PPP1R1B: variants seen among roughly 807,000 people sequenced by gnomAD.
PPP1R1B encodes protein phosphatase 1 regulatory subunit 1B.
Under a neutral mutation model 28.2 loss-of-function variants are expected in PPP1R1B, and 13 were observed. The ratio of observed to expected loss-of-function variants is 0.46; its 90% CI spans 0.30 to 0.73. The LOEUF (loss-of-function observed/expected upper bound fraction) is 0.73, where lower values mean the gene tolerates loss of function less well. PPP1R1B is among the 30% of genes least tolerant of loss of function. The probability of loss-of-function intolerance (pLI) is 0.07; values close to 1 mark genes in which losing one functional copy is unlikely to be tolerated. For missense variants in PPP1R1B, 236 were observed against 256.7 expected (o/e 0.92, Z 0.55); for synonymous variants, 102 against 97.5 (o/e 1.05, Z -0.27).
intron 2 of PPP1R1B, 139 bp downstream of exon 2, chr17:39,629,369 G>T (rs72827172): frequency 0.021 from 26,925 of 1,253,056 alleles, 382 homozygotes; most frequent in Non-Finnish European, 0.025. Context: ...AACTCTATTG[G>T]CTTTATTTAT....
At chr17:39,627,729 G>T (rs1440531572) in intron 1 of PPP1R1B, among the ~76,000 whole-genome samples, 1 of 151,928 alleles carries the variant, frequency 6.6e-6, no homozygotes, top group African/African-American at 2.4e-5. Flanking sequence ...GCGGGGGTGG[G>T]GGGACAGGCC....
chr17:39,635,565 T>A, intron 5 of PPP1R1B, 42 bp from the exon 6 acceptor site: 1 of 1,595,468 alleles, frequency 6.3e-7, no homozygotes, highest in Non-Finnish European at 8.6e-7. Flanking sequence ...GCCGGATGGA[T>A]ACGCAGAGCC....
At position 39,635,677 on chromosome 17, in the gene PPP1R1B, CGA is replaced by C. The variant is rs1427592674; in HGVS notation, c.523_524del (p.Asp175TrpfsTer4). The C allele has an allele frequency of 6.2e-7, 1 of 1,613,984 alleles. No individual in the cohort carries two copies. The highest frequency in any genetic ancestry group is 8.5e-7 in the Non-Finnish European group (1 of 1,179,998). ...AGCGCCCACCCCCTCTGGATGAGTCCGAGAGAGATGGAGGCTCTGAGGACCAA... is the reference window on the plus strand; with the variant it reads ...AGCGCCCACCCCCTCTGGATGAGTCCGAGAGATGGAGGCTCTGAGGACCAA... ...WERPPPLDES[E>X]RDGGSEDQVE... On this transcript the variant is annotated frameshift_variant, in exon 6 of 7. Coordinates refer to ENST00000254079, the MANE Select transcript of PPP1R1B (RefSeq NM_032192.4). LOFTEE classifies it high-confidence loss of function.
rs1171470511 is a variant in PPP1R1B, at chr17:39,634,086, G to A, written c.445G>A (p.Ala149Thr). The change falls in exon 5 of 7, where the codon GCT becomes ACT. Residue 149 changes from alanine to threonine, a missense_variant and splice_region_variant. Ala to Thr is a moderately conservative substitution (Grantham distance 58). Transcript: ENST00000254079. ...AGTCCTGAAGGTCATCAGGCAGTCT[G>A]GTAAGCTGAGGGGCCTGTGACATGT... ...AEVLKVIRQS[A>T]GQKTTCGQGL... 1.2e-6 allele frequency: 2 copies of A among 1,613,518 alleles called. No homozygotes were observed.
chr17:39,627,153 C>T lies in PPP1R1B; in HGVS notation c.-240C>T. On this transcript the variant is annotated 5_prime_UTR_variant, in exon 1 of 7. Transcript: ENST00000254079. ...GAGGGAGCGAGGCACAGACCTGGCT[C>T]AGCGAGCGCGGGGGGCGAGCCCCGA... 1 of 475,672 alleles carries T rather than the reference C, an allele frequency of 2.1e-6. No homozygotes were observed. Among genetic ancestry groups the T allele is most frequent in the Non-Finnish European group, 3.7e-6 (1 of 271,302 alleles). 29.5% of individuals were successfully genotyped at this position (475,672 alleles called of 1,614,324 possible). A position where few individuals can be genotyped will look rare whatever the true frequency, so the allele number is the denominator to read the frequency against.
In PPP1R1B at chr17:39,636,056, C is replaced by G; in HGVS notation, c.*191C>G. The G allele has an allele frequency of 1.6e-6, 1 of 629,336 alleles. No homozygotes were observed. The highest frequency in any genetic ancestry group is 2.7e-6 in the Non-Finnish European group (1 of 368,842). 39.0% of individuals were successfully genotyped at this position (629,336 alleles called of 1,614,324 possible). On this transcript the variant is annotated 3_prime_UTR_variant, in exon 7 of 7. Coordinates refer to ENST00000254079, the MANE Select transcript of PPP1R1B (RefSeq NM_032192.4). ...TTGGCTGATACCCAGAGAACCTGGG[C>G]ACTTGCTGCCTGATGCCCACCCCTG...
intron 4 of PPP1R1B, chr17:39,630,328 G>A: frequency 4.5e-6 from 2 of 442,162 alleles, no homozygotes; most frequent in Non-Finnish European, 8.4e-6. Flanking sequence ...CATCCGCGTG[G>A]AAGGGACTCC....
chr17:39,632,644 C>CCG, intron 4 of PPP1R1B: 1 of 152,360 alleles, frequency 6.6e-6, no homozygotes, highest in African/African-American at 2.4e-5. Flanking sequence ...TGAAGCTCTG[C>CCG]CGCGTCCCCA....
chr17:39,631,072 G>GA (rs796937092), intron 4 of PPP1R1B, among the ~76,000 whole-genome samples: 128 of 138,882 alleles, frequency 9.2e-4, no homozygotes, highest in Middle Eastern at 7.4e-3. Context: ...TCTGTCTCAA[G>GA]AAAAAAAAAA....
In PPP1R1B at chr17:39,627,568, G is replaced by C. The variant is rs537471807; in HGVS notation, c.81+95G>C. 454 of 791,684 alleles carry C rather than the reference G, an allele frequency of 5.7e-4. 5 individuals are homozygous for C. In the South Asian group the frequency reaches 8.4e-3, roughly 15 times the overall value. The allele number at this position is 791,684 out of a possible 1,614,324, so 49.0% of individuals were successfully genotyped here. A position where few individuals can be genotyped will look rare whatever the true frequency, so the allele number is the denominator to read the frequency against. On this transcript the variant is annotated intron_variant, in intron 1 of 6. Transcript: ENST00000254079. ...GCGCTGCCCCGGCCGGACTGGCCTG[G>C]GGGTGGGGGCGCAAGGAGAGCCGGG...
rs144685420 is a variant in PPP1R1B, at chr17:39,634,019, G to A, written c.378G>A (p.Glu126=). 1.2e-6 allele frequency: 2 copies of A among 1,613,920 alleles called. No individual in the cohort carries two copies. The highest frequency in any genetic ancestry group is 4.5e-5 in the East Asian group (2 of 44,878). Residue 126 remains glutamate (E), a synonymous_variant, in exon 5 of 7, where the codon GAG becomes GAA. Transcript: ENST00000254079. ...GAGAGGAAGATGAGGAGGAAGAGGA[G>A]GATGATGAAGAAGAGGAAGAAGAAG... ...YPREEDEEEE[E]DDEEEEEEED...
chr17:39,635,597 C>G lies in PPP1R1B; in HGVS notation c.446-10C>G, dbSNP rs775998929. ...AGCCTGTGTTCTTATCTCTTCTTTC[C>G]CATCCCCAGCTGGGCAAAAGACAAC... On this transcript the variant is annotated splice_polypyrimidine_tract_variant and intron_variant, in intron 5 of 6. Transcript: ENST00000254079. 3.7e-6 allele frequency: 6 copies of G among 1,612,418 alleles called. No homozygotes were observed. Among genetic ancestry groups the G allele is most frequent in the Non-Finnish European group, 5.1e-6 (6 of 1,178,752 alleles).
At position 39,627,150 on chromosome 17, in the gene PPP1R1B, G is replaced by A; in HGVS notation, c.-243G>A. 2.1e-6 allele frequency: 1 copy of A among 473,040 alleles called. No individual in the cohort carries two copies. The highest frequency in any genetic ancestry group is 3.3e-5 in the South Asian group (1 of 30,246). 29.3% of individuals were successfully genotyped at this position (473,040 alleles called of 1,614,324 possible). On this transcript the variant is annotated 5_prime_UTR_variant, in exon 1 of 7. Coordinates refer to ENST00000254079, the MANE Select transcript of PPP1R1B (RefSeq NM_032192.4). ...CGCGAGGGAGCGAGGCACAGACCTGGCTCAGCGAGCGCGGGGGGCGAGCCC... is the reference window on the plus strand; with the variant it reads ...CGCGAGGGAGCGAGGCACAGACCTGACTCAGCGAGCGCGGGGGGCGAGCCC...
chr17:39,627,437 G>C lies in PPP1R1B; in HGVS notation c.45G>C (p.Ala15=). Reference sequence around the variant, plus strand: ...AGAAGATCCAGTTCTCGGTGCCCGCGCCCCCTAGCCAGCTCGACCCCCGCC... The same window carrying C: ...AGAAGATCCAGTTCTCGGTGCCCGCCCCCCCTAGCCAGCTCGACCCCCGCC... ...DRKKIQFSVP[A]PPSQLDPRQV... is the part of the protein sequence containing the mutation. Residue 15 remains alanine, a synonymous_variant, in exon 1 of 7, where the codon GCG becomes GCC. Coordinates refer to ENST00000254079, the MANE Select transcript of PPP1R1B (RefSeq NM_032192.4). 1 of 1,600,840 alleles carries C rather than the reference G, an allele frequency of 6.2e-7. No individual in the cohort carries two copies. Among genetic ancestry groups the C allele is most frequent in the Admixed American group, 1.7e-5 (1 of 59,070 alleles).
At position 39,634,099 on chromosome 17, in the gene PPP1R1B, G is replaced by A; in HGVS notation, c.445+13G>A. On this transcript the variant is annotated intron_variant, in intron 5 of 6. Transcript: ENST00000254079. ...ATCAGGCAGTCTGGTAAGCTGAGGG[G>A]CCTGTGACATGTGGATTAGCTGTGG... is the stretch of plus-strand genomic sequence containing the variant. The A allele has an allele frequency of 1.1e-5, 18 of 1,613,338 alleles. No individual in the cohort carries two copies. Among genetic ancestry groups the A allele is most frequent in the Non-Finnish European group, 1.5e-5 (18 of 1,179,838 alleles).
intron 1 of PPP1R1B, 53 bp from the exon 2 acceptor site, chr17:39,629,117 G>C (rs139420947): frequency 1.7e-5 from 27 of 1,552,924 alleles, no homozygotes; most frequent in Non-Finnish European, 2.1e-5. Flanking sequence ...CTGCCTGGGG[G>C]TGGGGGAGGG....
At chr17:39,634,289 C>T (rs2056900998) in intron 5 of PPP1R1B, among the ~76,000 whole-genome samples, 1 of 152,226 alleles carries the variant, frequency 6.6e-6, no homozygotes, top group Non-Finnish European at 1.5e-5. Flanking sequence ...AGTCCCTCTC[C>T]CAATCAGGTT....
In PPP1R1B at chr17:39,635,827, G is replaced by A. The variant is rs2056917553; in HGVS notation, c.577G>A (p.Glu193Lys). 3.1e-6 allele frequency: 5 copies of A among 1,613,696 alleles called. No homozygotes were observed. The South Asian group carries it at 4.4e-5, about 14-fold the overall frequency. ...TGCTTGCCTTTCAGAGCCTGGGGAG[G>A]AACCTCAGCGCCCTTCCCCCTCTGA... ...EDPALSEPGE[E>K]PQRPSPSEPG... Residue 193 changes from glutamate to lysine, a missense_variant, in exon 7 of 7, where the codon GAA becomes AAA. Coordinates refer to ENST00000254079, the MANE Select transcript of PPP1R1B (RefSeq NM_032192.4).
At chr17:39,627,497 G>T (rs1337056479) in intron 1 of PPP1R1B, 24 bp downstream of exon 1, 13 of 1,439,658 alleles carry the variant, frequency 9.0e-6, no homozygotes, top group Non-Finnish European at 1.0e-5. Context: ...GCCCCACCCC[G>T]GCAGCGTACC....
Sources: gnomAD v4.1 joint callset for allele counts (sites outside exome capture counted in the v4.1 genomes callset) on GRCh38, gnomAD v4.1.1 for gene constraint, MANE v1.5 for transcripts, NCBI Gene and HGNC (gene_info 2026-07-23, HGNC 2026-07-21) for gene names.